ADAMTSL1: variants seen among roughly 807,000 people sequenced by gnomAD.
ADAMTSL1 encodes ADAMTS-like protein 1.
A neutral mutation model predicts 201.8 loss-of-function variants in ADAMTSL1; 126 were observed. That is an observed-to-expected ratio of 0.62 (90% confidence interval 0.54 to 0.72). The LOEUF (loss-of-function observed/expected upper bound fraction) is 0.72, where lower values mean the gene tolerates loss of function less well. Ranked by LOEUF, ADAMTSL1 falls within the 30% of genes least tolerant of loss-of-function variation. The pLI is 0.00. For missense variants in ADAMTSL1, 2,679 were observed against 2,277.8 expected (o/e 1.18, Z -3.59); for synonymous variants, 1,121 against 903.4 (o/e 1.24, Z -4.32).
intron 23 of ADAMTSL1, among the ~76,000 whole-genome samples, chr9:18,833,987 T>C (rs1210788537): frequency 1.3e-5 from 2 of 152,106 alleles, no homozygotes; most frequent in African/African-American, 2.4e-5. Flanking sequence ...TATCGAAGAT[T>C]AGATGGTAGT....
At chr9:18,653,965 C>G (rs764480920) in intron 7 of ADAMTSL1, among the ~76,000 whole-genome samples, 3 of 152,180 alleles carry the variant, frequency 2.0e-5, no homozygotes. Context: ...TGGTGGCTCA[C>G]GCCTGTAATC....
chr9:18,288,994 T>C (rs1400315475), intron 2 of ADAMTSL1, among the ~76,000 whole-genome samples: 1 of 152,244 alleles, frequency 6.6e-6, no homozygotes, highest in Non-Finnish European at 1.5e-5. Flanking sequence ...TACCAGATGA[T>C]CCTGAAAATT....
chr9:18,294,230 A>G (rs1014674464), intron 2 of ADAMTSL1, among the ~76,000 whole-genome samples: 2 of 152,224 alleles, frequency 1.3e-5, no homozygotes, highest in Non-Finnish European at 2.9e-5. Context: ...AATCCACTTT[A>G]TTAGTGGAGT....
intron 4 of ADAMTSL1, among the ~76,000 whole-genome samples, chr9:18,579,330 C>T (rs913903466): frequency 9.6e-5 from 12 of 124,418 alleles, no homozygotes; most frequent in South Asian, 2.7e-4. Flanking sequence ...GAATATCACA[C>T]GCTGGGGACT....
At chr9:18,260,071 G>A (rs1325632332) in intron 2 of ADAMTSL1, among the ~76,000 whole-genome samples, 1 of 152,182 alleles carries the variant, frequency 6.6e-6, no homozygotes, top group African/African-American at 2.4e-5. Flanking sequence ...AAAGGCATCA[G>A]CCAGCTCAGG....
intron 1 of ADAMTSL1, among the ~76,000 whole-genome samples, chr9:18,005,754 A>C (rs1819791116): frequency 6.6e-6 from 1 of 152,042 alleles, no homozygotes; most frequent in Non-Finnish European, 1.5e-5. Context: ...AACAGTCTTT[A>C]GTTTCTTTGG....
At chr9:18,801,519 T>C (rs981328131) in intron 20 of ADAMTSL1, among the ~76,000 whole-genome samples, 2 of 152,118 alleles carry the variant, frequency 1.3e-5, no homozygotes, top group African/African-American at 2.4e-5. Flanking sequence ...TCAGCTCCGC[T>C]CTCTCCTCCC....
intron 4 of ADAMTSL1, among the ~76,000 whole-genome samples, chr9:18,578,667 C>T (rs1822891145): frequency 6.6e-6 from 1 of 152,154 alleles, no homozygotes; most frequent in Non-Finnish European, 1.5e-5. Context: ...ATTTAAAGTG[C>T]TTACTATGCC....
At chr9:18,881,859 C>T (rs1256629027) in intron 23 of ADAMTSL1, among the ~76,000 whole-genome samples, 1 of 152,126 alleles carries the variant, frequency 6.6e-6, no homozygotes, top group Non-Finnish European at 1.5e-5. Context: ...CCATGGCAGG[C>T]CTGCCCTTCG....
chr9:18,449,270 A>G (rs1198018744), intron 2 of ADAMTSL1, among the ~76,000 whole-genome samples: 1 of 150,418 alleles, frequency 6.6e-6, no homozygotes, highest in East Asian at 1.9e-4. Flanking sequence ...CAACTCTATT[A>G]TATAATTTAA....
intron 2 of ADAMTSL1, among the ~76,000 whole-genome samples, chr9:18,329,162 C>A (rs1834939150): frequency 6.6e-6 from 1 of 152,014 alleles, no homozygotes; most frequent in African/African-American, 2.4e-5. Flanking sequence ...CTCCTTTGCC[C>A]CTTCTACCCG....
At chr9:18,898,961 C>G (rs1453410261) in intron 26 of ADAMTSL1, among the ~76,000 whole-genome samples, 2 of 152,100 alleles carry the variant, frequency 1.3e-5, no homozygotes, top group Non-Finnish European at 2.9e-5. Flanking sequence ...GGCAATCAGG[C>G]AAGAGAAAGA....
At chr9:18,486,336 A>G (rs1821992587) in intron 1 of ADAMTSL1, among the ~76,000 whole-genome samples, 1 of 152,204 alleles carries the variant, frequency 6.6e-6, no homozygotes, top group African/African-American at 2.4e-5. Context: ...TTCTGAAGAG[A>G]CTGCCAAACT....
At chr9:18,801,534 TCC>T (rs1312691272) in intron 20 of ADAMTSL1, among the ~76,000 whole-genome samples, 7 of 152,134 alleles carry the variant, frequency 4.6e-5, no homozygotes, top group Admixed American at 4.6e-4. Flanking sequence ...CCTCCCACTC[TCC>T]ACCCTCAAGT....
intron 2 of ADAMTSL1, among the ~76,000 whole-genome samples, chr9:18,406,676 T>C (rs898882981): frequency 1.1e-4 from 17 of 152,136 alleles, no homozygotes; most frequent in African/African-American, 3.4e-4. Context: ...AAACTGCTCC[T>C]CTGTTTCTAT....
At chr9:18,724,823 T>C (rs1374377749) in intron 15 of ADAMTSL1, among the ~76,000 whole-genome samples, 2 of 152,172 alleles carry the variant, frequency 1.3e-5, no homozygotes, top group Non-Finnish European at 2.9e-5. Context: ...ATCCCTTCTC[T>C]CCAACCTTCC....
intron 2 of ADAMTSL1, among the ~76,000 whole-genome samples, chr9:18,286,998 C>T (rs1833015176): frequency 6.6e-6 from 1 of 152,058 alleles, no homozygotes; most frequent in Non-Finnish European, 1.5e-5. Flanking sequence ...CAGGATAGGC[C>T]AAGGGTAACA....
At position 18,906,907 on chromosome 9, in the gene ADAMTSL1, A is replaced by C; in HGVS notation, c.5177A>C (p.Glu1726Ala). ...CAGCGCTGCAACATCACCCCATGTG[A>C]AAACAGTATGTTCCAACCCCAAAGA... Reference protein sequence around the residue: ...NWQRCNITPCENMECRDTTRY... With the variant: ...NWQRCNITPCANMECRDTTRY... The change falls in exon 28 of 29, where the codon GAA (glutamate) becomes GCA (alanine). Residue 1726 changes from glutamate to alanine, a missense_variant. Coordinates refer to ENST00000380548, the MANE Select transcript of ADAMTSL1 (RefSeq NM_001040272.6). 3.7e-6 allele frequency: 6 copies of C among 1,613,914 alleles called. No homozygotes were observed. The highest frequency in any genetic ancestry group is 5.1e-6 in the Non-Finnish European group (6 of 1,179,848).
intron 3 of ADAMTSL1, among the ~76,000 whole-genome samples, chr9:18,545,727 C>G (rs1251226686): frequency 3.3e-5 from 5 of 152,138 alleles, no homozygotes; most frequent in Non-Finnish European, 7.3e-5. Flanking sequence ...AAAAAGGATG[C>G]TGGCCTCTAG....
Sources: gnomAD v4.1 joint callset for allele counts (sites outside exome capture counted in the v4.1 genomes callset) on GRCh38, gnomAD v4.1.1 for gene constraint, MANE v1.5 for transcripts, NCBI Gene and HGNC (gene_info 2026-07-23, HGNC 2026-07-21) for gene names.